DPP10: variants seen among roughly 807,000 people sequenced by gnomAD.
DPP10 encodes the protein dipeptidyl peptidase like 10, also known as inactive dipeptidyl peptidase 10.
Under a neutral mutation model 120.9 loss-of-function variants are expected in DPP10, and 33 were observed. The ratio of observed to expected loss-of-function variants is 0.27; its 90% CI spans 0.21 to 0.37. DPP10 has a LOEUF of 0.37. Ranked by LOEUF, DPP10 falls within the 10% of genes least tolerant of loss-of-function variation. The pLI is 1.00. For synonymous variants in DPP10, 337 were observed against 326.1 expected (o/e 1.03, Z -0.36); for missense variants, 816 against 942.8 (o/e 0.87, Z 1.76).
intron 1 of DPP10, among the ~76,000 whole-genome samples, chr2:114,691,619 C>A: frequency 6.6e-6 from 1 of 151,844 alleles, no homozygotes; most frequent in Non-Finnish European, 1.5e-5. Flanking sequence ...TTTTGAGAAT[C>A]ATTTTCAATT....
At chr2:115,571,840 A>G (rs1288549610) in intron 5 of DPP10, among the ~76,000 whole-genome samples, 4 of 138,992 alleles carry the variant, frequency 2.9e-5, no homozygotes, top group Non-Finnish European at 3.1e-5. Flanking sequence ...CTTTCCTCCA[A>G]TATCTTGTGT....
At chr2:115,555,396 T>G (rs1033377315) in intron 5 of DPP10, among the ~76,000 whole-genome samples, 7 of 152,214 alleles carry the variant, frequency 4.6e-5, no homozygotes, top group Admixed American at 1.3e-4. Flanking sequence ...ACTCAGGGGC[T>G]TATATACTAC....
intron 1 of DPP10, among the ~76,000 whole-genome samples, chr2:114,513,581 T>A (rs978347878): frequency 2.3e-5 from 3 of 131,698 alleles, no homozygotes; most frequent in Admixed American, 1.5e-4. Context: ...TATCTGAATA[T>A]CTGAGGCTTT....
intron 1 of DPP10, among the ~76,000 whole-genome samples, chr2:115,237,220 ATC>A (rs1374851806): frequency 1.3e-5 from 2 of 150,988 alleles, no homozygotes; most frequent in Non-Finnish European, 2.9e-5. Flanking sequence ...ATTTTGGGAA[ATC>A]TCAGAATATT....
At chr2:115,072,913 G>C (rs13027440) in intron 1 of DPP10, among the ~76,000 whole-genome samples, 50,919 of 151,806 alleles carry the variant, frequency 0.34, 8,758 homozygotes, top group East Asian at 0.48. Flanking sequence ...CTCCCAAGTA[G>C]CTGGGTTTAC....
At chr2:115,283,946 A>G (rs571632084) in intron 1 of DPP10, among the ~76,000 whole-genome samples, 46 of 152,176 alleles carry the variant, frequency 3.0e-4, no homozygotes, top group East Asian at 3.9e-4. Flanking sequence ...GTAATATGCT[A>G]TACCATCTAG....
intron 3 of DPP10, among the ~76,000 whole-genome samples, chr2:115,384,108 A>G (rs2066663282): frequency 6.6e-6 from 1 of 152,310 alleles, no homozygotes; most frequent in South Asian, 2.1e-4. Context: ...GTCACCTCAG[A>G]TATAAAATCT....
chr2:115,092,085 T>C (rs1709311331), intron 1 of DPP10, among the ~76,000 whole-genome samples: 1 of 152,204 alleles, frequency 6.6e-6, no homozygotes, highest in Non-Finnish European at 1.5e-5. Flanking sequence ...TTTTTGTTTT[T>C]TTCTTAAGTA....
intron 1 of DPP10, among the ~76,000 whole-genome samples, chr2:115,124,065 C>A (rs1279467860): frequency 6.6e-6 from 1 of 151,816 alleles, no homozygotes; most frequent in Non-Finnish European, 1.5e-5. Flanking sequence ...ACTGCAGCCT[C>A]CTGAGTAGCT....
At chr2:115,330,849 T>A (rs2106166765) in intron 2 of DPP10, among the ~76,000 whole-genome samples, 1 of 152,322 alleles carries the variant, frequency 6.6e-6, no homozygotes, top group Middle Eastern at 3.4e-3. Context: ...TAGTTTGAAG[T>A]CTGGTAGCAT....
intron 1 of DPP10, among the ~76,000 whole-genome samples, chr2:114,952,994 C>T (rs1268617207): frequency 2.1e-5 from 3 of 145,362 alleles, no homozygotes. Context: ...TCTTTTGAGG[C>T]TTTTTTTTTT....
rs141596238 is a variant in DPP10, at chr2:114,809,864, A to G, written c.60+367026A>G. ...GTCTGAGTGCCACACTCAGAGAAAC[A>G]CTGCTATAAGACGAGCTGTTCTTTT... On this transcript the variant is annotated intron_variant, in intron 1 of 25. Coordinates refer to ENST00000410059, the MANE Select transcript of DPP10 (RefSeq NM_020868.6). 1.1e-3 allele frequency among the ~76,000 whole-genome samples: 175 copies of G among 152,320 alleles called. No individual in the cohort carries two copies. In the Middle Eastern group the frequency reaches 0.014, roughly 12 times the overall value.
At chr2:114,992,714 C>G (rs920891276) in intron 1 of DPP10, among the ~76,000 whole-genome samples, 1 of 152,114 alleles carries the variant, frequency 6.6e-6, no homozygotes. Context: ...GGAGAATAAA[C>G]AGGGTTCAGT....
At chr2:114,890,167 C>T (rs1315194663) in intron 1 of DPP10, among the ~76,000 whole-genome samples, 1 of 152,098 alleles carries the variant, frequency 6.6e-6, no homozygotes, top group Non-Finnish European at 1.5e-5. Flanking sequence ...GGGTTTATCA[C>T]CAAGTGAAAA....
intron 18 of DPP10, 21 bp downstream of exon 18, chr2:115,791,200 T>A: frequency 6.2e-7 from 1 of 1,608,966 alleles, no homozygotes; most frequent in Non-Finnish European, 8.5e-7. Flanking sequence ...GTGCATGCTA[T>A]GTTATTCAAG....
intron 2 of DPP10, among the ~76,000 whole-genome samples, chr2:115,326,088 G>A (rs914530768): frequency 2.6e-5 from 4 of 152,066 alleles, no homozygotes; most frequent in Non-Finnish European, 5.9e-5. Context: ...TCTTACCCAC[G>A]TCTACTTCTG....
chr2:115,479,584 T>G (rs969544602), intron 3 of DPP10, among the ~76,000 whole-genome samples: 1 of 152,076 alleles, frequency 6.6e-6, no homozygotes, highest in African/African-American at 2.4e-5. Context: ...TTGTGTGCAA[T>G]TTACTATAAT....
intron 1 of DPP10, among the ~76,000 whole-genome samples, chr2:114,748,297 T>C (rs941850293): frequency 2.7e-5 from 4 of 150,912 alleles, no homozygotes; most frequent in African/African-American, 9.7e-5. Flanking sequence ...AACATGCATC[T>C]TGAGCATCCA....
At chr2:115,016,428 C>G (rs934403721) in intron 1 of DPP10, among the ~76,000 whole-genome samples, 2 of 152,094 alleles carry the variant, frequency 1.3e-5, no homozygotes, top group Non-Finnish European at 2.9e-5. Context: ...CAATACCATT[C>G]AGGATATAGG....
Sources: allele counts gnomAD v4.1 joint callset (sites outside exome capture counted in the v4.1 genomes callset), GRCh38; gene constraint gnomAD v4.1.1; transcripts MANE v1.5; gene names NCBI Gene and HGNC (gene_info 2026-07-23, HGNC 2026-07-21).